Variants in GNG7 observed in about 807,000 individuals in gnomAD.
GNG7 encodes guanine nucleotide-binding protein G(I)/G(S)/G(O) subunit gamma-7.
A neutral mutation model predicts 4.0 loss-of-function variants in GNG7; 1 was observed. The observed-to-expected ratio is 0.25, with a 90% CI of 0.09 to 1.18. The LOEUF is 1.18. GNG7 is among the 50% of genes most tolerant of loss of function. The pLI is 0.50. For missense variants in GNG7, 86 were observed against 91.9 expected (o/e 0.94, Z 0.26); for synonymous variants, 34 against 36.9 (o/e 0.92, Z 0.29).
intron 2 of GNG7, among the ~76,000 whole-genome samples, chr19:2,573,587 C>A (rs147381328): frequency 2.0e-5 from 3 of 151,844 alleles, no homozygotes; most frequent in South Asian, 4.2e-4. Context: ...GAGGCCGAGG[C>A]GGGCAGATTA....
intron 1 of GNG7, among the ~76,000 whole-genome samples, chr19:2,650,982 A>T (rs778577577): frequency 6.6e-6 from 1 of 152,176 alleles, no homozygotes; most frequent in Non-Finnish European, 1.5e-5. Context: ...AACCCAGCTC[A>T]GGGCCCTGGG....
Position 2,513,034 on chromosome 19 carries a change from G to GACCTGCC in GNG7, c.*1981_*1987dup. On this transcript the variant is annotated 3_prime_UTR_variant, in exon 5 of 5. Transcript: ENST00000382159. Reference sequence around the variant, plus strand: ...GCTCCCCGAAGCCCCAGCCCTCCCGGACCTGCCGTAGAGAGCTGGGTGCCG... The same window carrying GACCTGCC: ...GCTCCCCGAAGCCCCAGCCCTCCCGGACCTGCCACCTGCCGTAGAGAGCTGGGTGCCG... 1.0e-6 allele frequency: 1 copy of GACCTGCC among 985,478 alleles called. No individual in the cohort carries two copies. The highest frequency in any genetic ancestry group is 1.2e-6 in the Non-Finnish European group (1 of 829,956). 61.0% of individuals were successfully genotyped at this position (985,478 alleles called of 1,614,324 possible).
chr19:2,680,447 G>A (rs766154728), intron 1 of GNG7, among the ~76,000 whole-genome samples: 110 of 151,988 alleles, frequency 7.2e-4, no homozygotes, highest in Non-Finnish European at 1.3e-3. Context: ...ACCTTGCCCA[G>A]CCACCTGTCT....
At chr19:2,593,640 G>C (rs1445427113) in intron 2 of GNG7, among the ~76,000 whole-genome samples, 3 of 151,888 alleles carry the variant, frequency 2.0e-5, no homozygotes, top group Admixed American at 1.3e-4. Context: ...GCTACTAGGG[G>C]TGCTGAGGCA....
chr19:2,641,019 T>C (rs988423191), intron 2 of GNG7, among the ~76,000 whole-genome samples: 4 of 152,034 alleles, frequency 2.6e-5, no homozygotes, highest in Non-Finnish European at 4.4e-5. Flanking sequence ...CTTAAGTCTA[T>C]GAAATGAAGG....
At chr19:2,590,764 ACCAACCAACCATCCATCCATCCAC>A (rs1289672792) in intron 2 of GNG7, among the ~76,000 whole-genome samples, 1 of 118,330 alleles carries the variant, frequency 8.5e-6, no homozygotes, top group African/African-American at 3.3e-5. Context: ...CACCTAACCA[ACCAACCAACCATCCATCCATCCAC>A]CCAACCAACC....
chr19:2,566,884 T>C (rs1979926711), intron 2 of GNG7, among the ~76,000 whole-genome samples: 2 of 151,902 alleles, frequency 1.3e-5, no homozygotes, highest in Admixed American at 6.6e-5. Context: ...AGGCGGATCA[T>C]CTGAGGCCAG....
At chr19:2,554,751 C>T (rs965346475) in intron 3 of GNG7, among the ~76,000 whole-genome samples, 9 of 151,638 alleles carry the variant, frequency 5.9e-5, no homozygotes, top group East Asian at 5.8e-4. Context: ...GACGGGGTTT[C>T]GCTGTGTTGG....
chr19:2,622,024 C>A (rs556182494), intron 2 of GNG7, among the ~76,000 whole-genome samples: 1 of 152,164 alleles, frequency 6.6e-6, no homozygotes, highest in Non-Finnish European at 1.5e-5. Flanking sequence ...TGCTGATCAC[C>A]ACGGAGGAGT....
At chr19:2,515,226 C>G in intron 4 of GNG7, 79 bp from the exon 5 acceptor site, 1 of 1,580,036 alleles carries the variant, frequency 6.3e-7, no homozygotes, top group Non-Finnish European at 8.6e-7. Context: ...GCACCATTCC[C>G]AAGAGCCACA....
At chr19:2,532,214 T>C (rs758913508) in intron 3 of GNG7, among the ~76,000 whole-genome samples, 31 of 150,636 alleles carry the variant, frequency 2.1e-4, no homozygotes, top group Admixed American at 3.3e-4. Flanking sequence ...GGTTTCCATA[T>C]ACTGGGAATT....
At chr19:2,680,903 C>T (rs746346398) in intron 1 of GNG7, among the ~76,000 whole-genome samples, 1 of 151,906 alleles carries the variant, frequency 6.6e-6, no homozygotes, top group Non-Finnish European at 1.5e-5. Context: ...CTCCCGAGCT[C>T]GCATGAGGGT....
chr19:2,581,573 G>A (rs1980506966), intron 2 of GNG7, among the ~76,000 whole-genome samples: 1 of 152,126 alleles, frequency 6.6e-6, no homozygotes, highest in Non-Finnish European at 1.5e-5. Context: ...CCAAGCTCCT[G>A]GCTGCACTCC....
chr19:2,691,891 G>A (rs1049491208), intron 1 of GNG7, among the ~76,000 whole-genome samples: 4 of 151,080 alleles, frequency 2.6e-5, no homozygotes, highest in African/African-American at 9.7e-5. Flanking sequence ...AAAGAGGAGG[G>A]AAATTTCCAC....
intron 2 of GNG7, among the ~76,000 whole-genome samples, chr19:2,606,441 G>A (rs1005003998): frequency 1.8e-4 from 27 of 151,838 alleles, no homozygotes; most frequent in African/African-American, 6.5e-4. Context: ...GATCACCTGA[G>A]GTCAGGAGTT....
chr19:2,607,805 G>A (rs930696674), intron 2 of GNG7, among the ~76,000 whole-genome samples: 4 of 152,064 alleles, frequency 2.6e-5, no homozygotes, highest in Non-Finnish European at 4.4e-5. Context: ...CGTGGGCACT[G>A]GGAAGTAGCC....
intron 1 of GNG7, among the ~76,000 whole-genome samples, chr19:2,700,195 G>GC (rs2144665482): frequency 6.6e-6 from 1 of 150,826 alleles, no homozygotes; most frequent in East Asian, 1.9e-4. Flanking sequence ...AGGCTGGAGT[G>GC]CAATGGCGTG....
chr19:2,602,904 T>TCTTTCTTTC (rs1007906017), intron 2 of GNG7, among the ~76,000 whole-genome samples: 13 of 149,928 alleles, frequency 8.7e-5, no homozygotes, highest in African/African-American at 2.8e-4. Context: ...TCTTTTTCTT[T>TCTTTCTTTC]CTTTCTTTCT....
intron 3 of GNG7, among the ~76,000 whole-genome samples, chr19:2,526,490 T>C (rs12978872): frequency 0.25 from 37,020 of 147,822 alleles, 4,972 homozygotes; most frequent in South Asian, 0.33. Flanking sequence ...TATTATATAT[T>C]TGTTTACTCA....
Sources: gnomAD v4.1 joint callset for allele counts (sites outside exome capture counted in the v4.1 genomes callset) on GRCh38, gnomAD v4.1.1 for gene constraint, MANE v1.5 for transcripts, NCBI Gene and HGNC (gene_info 2026-07-23, HGNC 2026-07-21) for gene names.